The following DNER variants were observed in gnomAD, a reference collection of about 807,000 sequenced individuals.
DNER encodes the protein delta/notch like EGF repeat containing, also known as delta and Notch-like epidermal growth factor-related receptor.
In DNER, 33 loss-of-function variants were observed where a neutral mutation model predicts 78.2. The observed-to-expected ratio is 0.42, with a 90% CI of 0.32 to 0.56. DNER has a LOEUF of 0.56. Ranked by LOEUF, DNER falls within the 20% of genes least tolerant of loss-of-function variation. DNER has a pLI of 0.11. For missense variants in DNER, 918 were observed against 975.3 expected, an observed-to-expected ratio of 0.94 and a Z score of 0.78; for synonymous variants, 417 against 384.8, an observed-to-expected ratio of 1.08 and a Z score of -0.98.
intron 1 of DNER, among the ~76,000 whole-genome samples, chr2:229,704,577 T>A (rs192702222): frequency 6.7e-6 from 1 of 149,182 alleles, no homozygotes; most frequent in East Asian, 2.0e-4. Flanking sequence ...AGCATTATGT[T>A]CAGTGGAAAA....
intron 6 of DNER, among the ~76,000 whole-genome samples, chr2:229,485,262 G>A (rs376763185): frequency 3.9e-5 from 6 of 152,168 alleles, no homozygotes; most frequent in African/African-American, 1.4e-4. Flanking sequence ...GGGTCTGACC[G>A]TGAGCAATGA....
In DNER at chr2:229,467,498, C is replaced by A. The variant is rs1274728718; in HGVS notation, c.1261+9642G>T. Among the ~76,000 whole-genome samples the A allele has an allele frequency of 2.0e-5, 3 of 152,290 alleles. No homozygotes were observed. The East Asian group carries it at 5.8e-4, about 29-fold the overall frequency. On this transcript the variant is annotated intron_variant, in intron 7 of 12. Transcript: ENST00000341772. ...GGGCCTGGGTCTCTCTGTATGTCCC[C>A]TGCCTTAAGGTGGTCAGAGTCAGAG...
chr2:229,695,336 A>G (rs889821507), intron 1 of DNER, among the ~76,000 whole-genome samples: 4 of 152,226 alleles, frequency 2.6e-5, no homozygotes, highest in Admixed American at 6.5e-5. Flanking sequence ...CACATAATAT[A>G]GGGAAAGGAA....
chr2:229,662,417 C>A (rs77994430), intron 1 of DNER, among the ~76,000 whole-genome samples: 1 of 152,164 alleles, frequency 6.6e-6, no homozygotes. Flanking sequence ...TTACATGTAA[C>A]AAATTACTAA....
At chr2:229,699,563 C>T (rs1385038928) in intron 1 of DNER, among the ~76,000 whole-genome samples, 1 of 152,042 alleles carries the variant, frequency 6.6e-6, no homozygotes, top group Non-Finnish European at 1.5e-5. Context: ...TAGGGTTTTG[C>T]CTTGTTGCCC....
intron 5 of DNER, among the ~76,000 whole-genome samples, chr2:229,532,417 T>C (rs1020425695): frequency 1.3e-5 from 2 of 152,212 alleles, no homozygotes. Flanking sequence ...AGCCTTTCTT[T>C]TGACCGAATT....
intron 1 of DNER, among the ~76,000 whole-genome samples, chr2:229,654,188 C>G (rs1189413277): frequency 1.3e-5 from 2 of 150,220 alleles, no homozygotes; most frequent in African/African-American, 2.5e-5. Flanking sequence ...TTGTTCAGTT[C>G]CCACCTATGA....
intron 6 of DNER, among the ~76,000 whole-genome samples, chr2:229,508,453 T>C (rs1005677880): frequency 6.6e-6 from 1 of 152,150 alleles, no homozygotes; most frequent in African/African-American, 2.4e-5. Context: ...ATAACAGTAT[T>C]AAGTGAAAAA....
chr2:229,393,382 C>T lies in DNER; in HGVS notation c.1724-4986G>A, dbSNP rs145505359. Reference sequence around the variant, plus strand: ...CAGAGGTTGCAGTGAGCTGAGATCACGCCACTGTACTCCAGCCTGGGTGAC... The same window carrying T: ...CAGAGGTTGCAGTGAGCTGAGATCATGCCACTGTACTCCAGCCTGGGTGAC... On this transcript the variant is annotated intron_variant, in intron 10 of 12. Coordinates refer to ENST00000341772, the MANE Select transcript of DNER (RefSeq NM_139072.4). 1.9e-3 allele frequency among the ~76,000 whole-genome samples: 290 copies of T among 151,814 alleles called. 2 individuals carry two copies. The highest frequency in any genetic ancestry group is 1.8e-3 in the Non-Finnish European group (119 of 67,960).
Position 229,494,585 on chromosome 2 carries a change from C to T in DNER, c.1148-17332G>A, listed in dbSNP as rs566740442. ...GTCACCCCACAGCTTTGCAGGGCAG[C>T]CCTGCCCCAGAGACACTGGGCAGTT... On this transcript the variant is annotated intron_variant, in intron 6 of 12. Coordinates refer to ENST00000341772, the MANE Select transcript of DNER (RefSeq NM_139072.4). Among the ~76,000 whole-genome samples the T allele has an allele frequency of 2.2e-4, 33 of 152,312 alleles. No individual in the cohort carries two copies. The South Asian group carries it at 6.8e-3, about 32-fold the overall frequency.
chr2:229,592,942 T>C (rs950454647), intron 1 of DNER, among the ~76,000 whole-genome samples: 1 of 152,186 alleles, frequency 6.6e-6, no homozygotes, highest in African/African-American at 2.4e-5. Flanking sequence ...GAATTCTGAA[T>C]GGTAAAACGG....
intron 6 of DNER, among the ~76,000 whole-genome samples, chr2:229,503,690 G>C (rs17620535): frequency 0.14 from 21,203 of 152,162 alleles, 1,739 homozygotes; most frequent in South Asian, 0.22. Flanking sequence ...TGACTGAATA[G>C]GATTCTAGTA....
intron 6 of DNER, among the ~76,000 whole-genome samples, chr2:229,498,299 T>C (rs963583164): frequency 1.3e-5 from 2 of 152,114 alleles, no homozygotes; most frequent in East Asian, 3.9e-4. Flanking sequence ...AGGCCATATA[T>C]GACAAGCCCA....
At chr2:229,382,610 T>C (rs752175904) in intron 11 of DNER, among the ~76,000 whole-genome samples, 3 of 151,804 alleles carry the variant, frequency 2.0e-5, no homozygotes, top group Admixed American at 1.3e-4. Context: ...CAAGAGAATT[T>C]TGTGAAGCAT....
At chr2:229,646,185 C>T (rs1323120437) in intron 1 of DNER, among the ~76,000 whole-genome samples, 6 of 152,112 alleles carry the variant, frequency 3.9e-5, no homozygotes, top group Admixed American at 3.9e-4. Flanking sequence ...AATCCTGTCC[C>T]GAGTGTGATT....
chr2:229,578,222 G>A (rs181116336), intron 4 of DNER, among the ~76,000 whole-genome samples: 14 of 152,184 alleles, frequency 9.2e-5, no homozygotes, highest in East Asian at 3.9e-4. Context: ...CTGGTCGGTC[G>A]CTCGCCCTGT....
chr2:229,627,125 T>A (rs1426204791), intron 1 of DNER, among the ~76,000 whole-genome samples: 4 of 152,212 alleles, frequency 2.6e-5, no homozygotes, highest in African/African-American at 9.6e-5. Flanking sequence ...CAACTTGTAC[T>A]TCTAGTCCCC....
intron 5 of DNER, among the ~76,000 whole-genome samples, chr2:229,522,171 T>C (rs1574883697): frequency 1.3e-5 from 2 of 152,312 alleles, no homozygotes; most frequent in South Asian, 4.1e-4. Flanking sequence ...GCTCTTTCCT[T>C]CCAAGGACAT....
At chr2:229,486,132 G>A (rs977041) in intron 6 of DNER, among the ~76,000 whole-genome samples, 70,463 of 151,988 alleles carry the variant, frequency 0.46, 16,482 homozygotes, top group South Asian at 0.61. Context: ...GAAGTAAACC[G>A]GGGGAATAAA....
Sources: allele counts gnomAD v4.1 joint callset (sites outside exome capture counted in the v4.1 genomes callset), GRCh38; gene constraint gnomAD v4.1.1; transcripts MANE v1.5; gene names NCBI Gene and HGNC (gene_info 2026-07-23, HGNC 2026-07-21).